MME: variants seen among roughly 807,000 people sequenced by gnomAD.
MME encodes membrane metalloendopeptidase.
Under a neutral mutation model 113.2 loss-of-function variants are expected in MME, and 98 were observed. The observed-to-expected ratio is 0.87, with a 90% CI of 0.74 to 1.02. The LOEUF is 1.02. Ranked by LOEUF, MME falls within the 50% of genes least tolerant of loss-of-function variation. The pLI, the probability that MME is intolerant of heterozygous loss-of-function variation, is 0.00. For synonymous variants in MME, 292 were observed against 300.6 expected, an observed-to-expected ratio of 0.97 and a Z score of 0.30; for missense variants, 836 against 896.0, an observed-to-expected ratio of 0.93 and a Z score of 0.86.
intron 18 of MME, among the ~76,000 whole-genome samples, chr3:155,167,563 A>C (rs9864538): frequency 0.28 from 42,492 of 151,982 alleles, 6,340 homozygotes; most frequent in African/African-American, 0.35. Context: ...AATTCCTGAG[A>C]GGAATAAAGA....
chr3:155,060,702 G>A (rs1714102974), intron 1 of MME, among the ~76,000 whole-genome samples: 1 of 151,856 alleles, frequency 6.6e-6, no homozygotes, highest in African/African-American at 2.4e-5. Context: ...TAACAAACGT[G>A]TTTCTCACAG....
At chr3:155,091,369 T>G (rs960364327) in intron 3 of MME, among the ~76,000 whole-genome samples, 3 of 152,180 alleles carry the variant, frequency 2.0e-5, no homozygotes, top group African/African-American at 7.2e-5. Flanking sequence ...TTTAAGCAAG[T>G]AGTACACCAT....
chr3:155,069,383 T>A (rs1176136124), intron 1 of MME, among the ~76,000 whole-genome samples: 1 of 151,946 alleles, frequency 6.6e-6, no homozygotes, highest in East Asian at 1.9e-4. Context: ...ACAGAGAAAA[T>A]TAAAGATGCT....
chr3:155,096,542 T>A (rs1232619691), intron 3 of MME, among the ~76,000 whole-genome samples: 1 of 151,698 alleles, frequency 6.6e-6, no homozygotes, highest in Admixed American at 6.6e-5. Flanking sequence ...CGGTGGGAGG[T>A]CACAGAAGGA....
chr3:155,027,753 A>C (rs577816701), intron 1 of MME, among the ~76,000 whole-genome samples: 1 of 152,214 alleles, frequency 6.6e-6, no homozygotes, highest in Non-Finnish European at 1.5e-5. Context: ...AAAACACACA[A>C]ATAGTTTACT....
chr3:155,176,668 A>G (rs1255063141), intron 22 of MME, among the ~76,000 whole-genome samples: 1 of 152,070 alleles, frequency 6.6e-6, no homozygotes, highest in Non-Finnish European at 1.5e-5. Flanking sequence ...TCTATTAAAA[A>G]CAAAAAAATT....
At chr3:155,071,275 T>G (rs1714543536) in intron 1 of MME, among the ~76,000 whole-genome samples, 1 of 152,228 alleles carries the variant, frequency 6.6e-6, no homozygotes, top group African/African-American at 2.4e-5. Context: ...CTGAGCTTAG[T>G]CACATCCTCA....
chr3:155,166,546 C>T (rs1000873126), intron 17 of MME, among the ~76,000 whole-genome samples: 1 of 152,174 alleles, frequency 6.6e-6, no homozygotes, highest in African/African-American at 2.4e-5. Context: ...GTTATAACTT[C>T]CCTTTGCTTC....
chr3:155,024,672 C>T (rs553983911), intron 1 of MME, among the ~76,000 whole-genome samples: 1 of 152,226 alleles, frequency 6.6e-6, no homozygotes, highest in South Asian at 2.1e-4. Flanking sequence ...TTTATTGATA[C>T]TTTTTGCACT....
chr3:155,067,860 A>T (rs1714436293), intron 1 of MME, among the ~76,000 whole-genome samples: 1 of 152,160 alleles, frequency 6.6e-6, no homozygotes, highest in Non-Finnish European at 1.5e-5. Flanking sequence ...CACTTTGGAA[A>T]ATAGTTTGGC....
intron 2 of MME, 47 bp downstream of exon 2, chr3:155,084,374 A>G: frequency 6.3e-7 from 1 of 1,593,738 alleles, no homozygotes; most frequent in Non-Finnish European, 8.6e-7. Flanking sequence ...AAAGAGAAGG[A>G]AATCTTCCTC....
chr3:155,138,898 T>G (rs1359886868), intron 9 of MME, among the ~76,000 whole-genome samples: 2 of 152,106 alleles, frequency 1.3e-5, no homozygotes, highest in Non-Finnish European at 2.9e-5. Flanking sequence ...GCATCCAGGT[T>G]ACTGATTAAA....
Position 155,115,050 on chromosome 3 carries a change from A to G in MME, c.253A>G (p.Lys85Glu), listed in dbSNP as rs769869760. Residue 85 changes from lysine (K) to glutamate (E), a missense_variant, in exon 4 of 23, where the codon AAA becomes GAA. Coordinates refer to ENST00000360490, the MANE Select transcript of MME (RefSeq NM_007289.4). ...ATTEPCTDFFKYACGGWLKRN... is the reference protein window; with the variant it reads ...ATTEPCTDFFEYACGGWLKRN... ...CACTGAGCCTTGTACAGACTTTTTC[A>G]AATATGCTTGCGGAGGCTGGTTGAA... 6.2e-7 allele frequency: 1 copy of G among 1,614,096 alleles called. No homozygotes were observed. Among genetic ancestry groups the G allele is most frequent in the South Asian group, 1.1e-5 (1 of 91,076 alleles).
chr3:155,095,829 G>A (rs1004525638), intron 3 of MME, among the ~76,000 whole-genome samples: 10 of 152,192 alleles, frequency 6.6e-5, no homozygotes, highest in Non-Finnish European at 1.2e-4. Context: ...CATATGGTTT[G>A]ATAAGTGCTA....
At chr3:155,049,667 C>CTA (rs1389569541) in intron 1 of MME, among the ~76,000 whole-genome samples, 41 of 118,102 alleles carry the variant, frequency 3.5e-4, no homozygotes, top group African/African-American at 1.1e-3. Context: ...ATCTATCTAT[C>CTA]TATCTATATA....
At chr3:155,104,514 C>T (rs556052869) in intron 3 of MME, among the ~76,000 whole-genome samples, 2 of 152,296 alleles carry the variant, frequency 1.3e-5, no homozygotes, top group East Asian at 3.9e-4. Flanking sequence ...TGGCTGTTGT[C>T]TTTTTGTACC....
chr3:155,090,427 A>G (rs540298356), intron 3 of MME: 1 of 152,316 alleles, frequency 6.6e-6, no homozygotes, highest in South Asian at 2.1e-4. Flanking sequence ...TTCTGTATAC[A>G]TACCTATGAT....
chr3:155,071,783 A>G (rs1276176032), intron 1 of MME, among the ~76,000 whole-genome samples: 1 of 152,212 alleles, frequency 6.6e-6, no homozygotes, highest in East Asian at 1.9e-4. Context: ...TCAATATGAA[A>G]AAGTCGCTAA....
intron 3 of MME, among the ~76,000 whole-genome samples, chr3:155,113,093 G>T (rs959881101): frequency 1.3e-5 from 2 of 152,088 alleles, no homozygotes; most frequent in Non-Finnish European, 2.9e-5. Flanking sequence ...AAGAATGACA[G>T]GGGCAATCAA....
Sources: gnomAD v4.1 joint callset for allele counts (sites outside exome capture counted in the v4.1 genomes callset) on GRCh38, gnomAD v4.1.1 for gene constraint, MANE v1.5 for transcripts, NCBI Gene and HGNC (gene_info 2026-07-23, HGNC 2026-07-21) for gene names.